The following DCT variants were observed in gnomAD, a reference collection of about 807,000 sequenced individuals.
DCT encodes dopachrome tautomerase.
A neutral mutation model predicts 53.0 loss-of-function variants in DCT; 47 were observed. The observed-to-expected ratio is 0.89, with a 90% confidence interval of 0.70 to 1.13. The LOEUF is 1.13. Among genes scored for constraint, DCT ranks in the 50% most tolerant of loss-of-function variants. DCT has a pLI of 0.00. For synonymous variants in DCT, 244 were observed against 237.0 expected (o/e 1.03, Z -0.27); for missense variants, 669 against 637.4 (o/e 1.05, Z -0.53).
At chr13:94,549,333 C>G in the DCT span, among the ~76,000 whole-genome samples, 2 of 152,238 alleles carry the variant, frequency 1.3e-5, no homozygotes, top group Non-Finnish European at 2.9e-5. Context: ...ACACCAGCCC[C>G]CCAGGCGGCG....
the DCT span, among the ~76,000 whole-genome samples, chr13:94,523,828 G>A: frequency 1.3e-5 from 2 of 151,762 alleles, no homozygotes; most frequent in Admixed American, 6.6e-5. Flanking sequence ...AAATTTCCCT[G>A]CTCCCTGGGC....
At chr13:94,449,581 C>G (rs1185274354) in intron 6 of DCT, among the ~76,000 whole-genome samples, 1 of 152,128 alleles carries the variant, frequency 6.6e-6, no homozygotes, top group Non-Finnish European at 1.5e-5. Flanking sequence ...CACTTAAAAG[C>G]CACATGACAG....
At chr13:94,486,747 G>C in the DCT span, among the ~76,000 whole-genome samples, 2 of 152,240 alleles carry the variant, frequency 1.3e-5, no homozygotes, top group African/African-American at 4.8e-5. Context: ...GAAGCTTGGA[G>C]CCAAATTTGC....
At chr13:94,452,837 G>A (rs937305489) in intron 6 of DCT, among the ~76,000 whole-genome samples, 1 of 152,058 alleles carries the variant, frequency 6.6e-6, no homozygotes, top group Non-Finnish European at 1.5e-5. Flanking sequence ...GAAAGGCAAA[G>A]GGACAGAGGG....
the DCT span, among the ~76,000 whole-genome samples, chr13:94,539,456 GGAATGTTTCTTCT>G: frequency 2.3e-3 from 356 of 152,290 alleles, 1 homozygote; most frequent in African/African-American, 8.0e-3. Context: ...GCTTAAAAGA[GGAATGTTTCTTCT>G]GTGTTACTGT....
chr13:94,508,281 G>A, the DCT span, among the ~76,000 whole-genome samples: 3 of 152,198 alleles, frequency 2.0e-5, no homozygotes, highest in Admixed American at 1.3e-4. Flanking sequence ...GCACAGATGA[G>A]TCTGCAAACA....
chr13:94,523,812 G>A, the DCT span, among the ~76,000 whole-genome samples: 1 of 151,800 alleles, frequency 6.6e-6, no homozygotes, highest in African/African-American at 2.4e-5. Flanking sequence ...ATACAATAGC[G>A]TGCTTAAATT....
Position 94,439,758 on chromosome 13 carries a change from G to A in DCT, c.*140C>T, listed in dbSNP as rs2139264022. 1 of 616,234 alleles carries A rather than the reference G, an allele frequency of 1.6e-6. No homozygotes were observed. The highest frequency in any genetic ancestry group is 2.7e-6 in the Non-Finnish European group (1 of 374,130). The allele number at this position is 616,234 out of a possible 1,614,324, so 38.2% of individuals were successfully genotyped here. ...CGGAAACTACAGCTAAGCATCTTCTGAATGAGATCATCATCACTATAGAAG... is the reference window on the plus strand; with the variant it reads ...CGGAAACTACAGCTAAGCATCTTCTAAATGAGATCATCATCACTATAGAAG... On this transcript the variant is annotated 3_prime_UTR_variant, in exon 8 of 8. Coordinates refer to ENST00000377028, the MANE Select transcript of DCT (RefSeq NM_001922.5).
At chr13:94,518,918 T>C in the DCT span, among the ~76,000 whole-genome samples, 1 of 152,232 alleles carries the variant, frequency 6.6e-6, no homozygotes, top group Admixed American at 6.5e-5. Context: ...AGTTGCAGTC[T>C]TGCTGGCCTT....
the DCT span, among the ~76,000 whole-genome samples, chr13:94,546,768 T>C: frequency 6.6e-6 from 1 of 152,082 alleles, no homozygotes; most frequent in East Asian, 1.9e-4. This position sits in a 1 kb window ranked among gnomAD's most constrained non-coding sequence, Gnocchi z 4.2. Flanking sequence ...CCTGATAAGA[T>C]CTTAGGAGTT....
intron 1 of DCT, among the ~76,000 whole-genome samples, chr13:94,477,517 T>TC (rs1885173128): frequency 6.6e-6 from 1 of 152,164 alleles, no homozygotes; most frequent in African/African-American, 2.4e-5. Flanking sequence ...GGTCAAAGGT[T>TC]GAAAAACTAC....
At chr13:94,505,027 G>C in the DCT span, among the ~76,000 whole-genome samples, 1 of 152,006 alleles carries the variant, frequency 6.6e-6, no homozygotes. Context: ...TTCAGCAACA[G>C]AGTGGATGCT....
the DCT span, among the ~76,000 whole-genome samples, chr13:94,501,494 T>C: frequency 6.6e-6 from 1 of 152,138 alleles, no homozygotes; most frequent in South Asian, 2.1e-4. Flanking sequence ...CCTTCCTTTT[T>C]GACTTATTCC....
chr13:94,485,399 G>A, the DCT span, among the ~76,000 whole-genome samples: 8 of 152,064 alleles, frequency 5.3e-5, no homozygotes, highest in African/African-American at 1.4e-4. Flanking sequence ...CACAATGGAG[G>A]CACCTGTATA....
At chr13:94,475,303 G>C (rs1451029932) in intron 1 of DCT, among the ~76,000 whole-genome samples, 1 of 152,170 alleles carries the variant, frequency 6.6e-6, no homozygotes, top group African/African-American at 2.4e-5. Flanking sequence ...GATAAGTAGA[G>C]CCATCCAAAG....
the DCT span, among the ~76,000 whole-genome samples, chr13:94,504,649 G>T: frequency 6.6e-6 from 1 of 152,120 alleles, no homozygotes; most frequent in Admixed American, 6.5e-5. Context: ...GATTACAGGG[G>T]TGAGCCACTG....
chr13:94,516,436 A>T, the DCT span, among the ~76,000 whole-genome samples: 1 of 152,120 alleles, frequency 6.6e-6, no homozygotes, highest in South Asian at 2.1e-4. Context: ...TGTGCTAAAG[A>T]TTTCACGGTT....
the DCT span, among the ~76,000 whole-genome samples, chr13:94,540,762 T>C: frequency 1.3e-5 from 2 of 151,978 alleles, no homozygotes; most frequent in Non-Finnish European, 2.9e-5. Flanking sequence ...ACAAAAAAAA[T>C]AGAATATCAT....
At chr13:94,496,624 A>G in the DCT span, among the ~76,000 whole-genome samples, 1 of 152,230 alleles carries the variant, frequency 6.6e-6, no homozygotes, top group Non-Finnish European at 1.5e-5. Flanking sequence ...GCTAAGGCAC[A>G]GAAAAATGAG....
Sources: gnomAD v4.1 joint callset for allele counts (sites outside exome capture counted in the v4.1 genomes callset) on GRCh38, gnomAD v4.1.1 for gene constraint, Gnocchi (gnomAD v3.1) non-coding constraint, MANE v1.5 for transcripts, NCBI Gene and HGNC (gene_info 2026-07-23, HGNC 2026-07-21) for gene names.